The following PKD1L1 variants were observed in gnomAD, a reference collection of about 807,000 sequenced individuals.
The protein encoded by PKD1L1 is polycystin-1-like protein 1.
Under a neutral mutation model 323.4 loss-of-function variants are expected in PKD1L1, and 236 were observed. That is an observed-to-expected ratio of 0.73 (90% CI 0.66 to 0.81). The LOEUF is 0.81. PKD1L1 is among the 40% of genes least tolerant of loss of function. The pLI is 0.00. For synonymous variants in PKD1L1, 1,344 were observed against 1,335.0 expected, an observed-to-expected ratio of 1.01 and a Z score of -0.15; for missense variants, 3,320 against 3,508.0, an observed-to-expected ratio of 0.95 and a Z score of 1.35.
chr7:47,885,831 A>G lies in PKD1L1; in HGVS notation c.3060T>C (p.Pro1020=). ...CCAGGACTGCAGAGTCCCCCGCAGG[A>G]GGAATCCAGTAGACTCCAGTCATGG... ...TEPMTGVYWI[P]PAGDSAVLGE... Residue 1020 remains proline, a synonymous_variant, in exon 18 of 57, where the codon CCT becomes CCC. Transcript: ENST00000289672. 6.2e-7 allele frequency: 1 copy of G among 1,614,196 alleles called. No individual in the cohort carries two copies. Among genetic ancestry groups the G allele is most frequent in the Non-Finnish European group, 8.5e-7 (1 of 1,180,038 alleles).
chr7:47,839,500 A>C lies in PKD1L1; in HGVS notation c.5715T>G (p.Asp1905Glu), dbSNP rs772585060. 28 of 1,612,404 alleles carry C rather than the reference A, an allele frequency of 1.7e-5. No individual in the cohort carries two copies. Among genetic ancestry groups the C allele is most frequent in the Non-Finnish European group, 2.3e-5 (27 of 1,179,752 alleles). ...AGGTGAGCTCCCGCTCCACGCGACC[A>C]TCATGCCTGCCGGCAGACAGCCAGC... ...AQCWLSAGRHDGRVERELTCL... is the reference protein window; with the variant it reads ...AQCWLSAGRHEGRVERELTCL... The change falls in exon 36 of 57, where the codon GAT becomes GAG. Residue 1905 changes from aspartate to glutamate, a missense_variant. By Grantham distance (45) the Asp-to-Glu change is conservative. Transcript: ENST00000289672. The surrounding 1 kb of genome is among the most constrained non-coding windows in gnomAD (Gnocchi z 4.3).
At chr7:47,874,062 G>T in intron 23 of PKD1L1, 52 bp from the exon 24 acceptor site, 1 of 1,159,682 alleles carries the variant, frequency 8.6e-7, no homozygotes, top group Non-Finnish European at 1.3e-6. Context: ...GGGTTACAGA[G>T]ATGCTTCTTC....
intron 8 of PKD1L1, 118 bp downstream of exon 8, chr7:47,915,314 C>T: frequency 1.5e-6 from 1 of 645,836 alleles, no homozygotes; most frequent in South Asian, 1.8e-5. Flanking sequence ...CACCGTAGCC[C>T]ATAGAGTGTA....
chr7:47,813,619 G>A lies in PKD1L1; in HGVS notation c.7173+312C>T, dbSNP rs193206390. 9.0e-6 allele frequency: 6 copies of A among 664,804 alleles called. No individual in the cohort carries two copies. The East Asian group carries it at 1.8e-4, about 20-fold the overall frequency. The allele number at this position is 664,804 out of a possible 1,614,324, so 41.2% of individuals were successfully genotyped here. A position where few individuals can be genotyped will look rare whatever the true frequency, so the allele number is the denominator to read the frequency against. ...CCCTCCCCATTAGAAAAAGATATGT[G>A]AATATTCTATTTTTAGATTGTTTGA... On this transcript the variant is annotated intron_variant, in intron 48 of 56. Coordinates refer to ENST00000289672, the MANE Select transcript of PKD1L1 (RefSeq NM_138295.5).
At chr7:47,800,966 CA>C in intron 53 of PKD1L1, 87 bp from the exon 54 acceptor site, 1 of 1,278,052 alleles carries the variant, frequency 7.8e-7, no homozygotes, top group South Asian at 1.3e-5. Flanking sequence ...AAAATAGAGA[CA>C]AACTTGGAGG....
intron 27 of PKD1L1, 86 bp from the exon 28 acceptor site, chr7:47,857,918 T>C (rs1417709708): frequency 3.7e-5 from 49 of 1,311,820 alleles, no homozygotes; most frequent in Non-Finnish European, 5.1e-5. Flanking sequence ...AGGGGAAAAG[T>C]AGTTAAAAAG....
At chr7:47,803,755 T>C (rs974819569) in intron 52 of PKD1L1, among the ~76,000 whole-genome samples, 2 of 152,226 alleles carry the variant, frequency 1.3e-5, no homozygotes, top group Non-Finnish European at 2.9e-5. Flanking sequence ...TTCCCCCAGA[T>C]ACATGTACAG....
intron 52 of PKD1L1, among the ~76,000 whole-genome samples, chr7:47,805,495 T>C (rs1473329299): frequency 2.0e-5 from 3 of 152,244 alleles, no homozygotes; most frequent in African/African-American, 7.2e-5. Flanking sequence ...AGCCGTAGTG[T>C]GGGCAGAGGC....
At chr7:47,893,219 G>A (rs1786860128) in intron 15 of PKD1L1, among the ~76,000 whole-genome samples, 1 of 116,772 alleles carries the variant, frequency 8.6e-6, no homozygotes, top group South Asian at 3.1e-4. Context: ...GACAGAGTGA[G>A]ACCCTATCTC....
Position 47,829,242 on chromosome 7 carries a change from A to G in PKD1L1, c.6735+183T>C, listed in dbSNP as rs541069304. ...TCTTTAGGATTGGAGTTAAAAAAAA[A>G]TAAGTCCTATGTGTTCATCTATCAT... On this transcript the variant is annotated intron_variant, in intron 44 of 56. Coordinates refer to ENST00000289672, the MANE Select transcript of PKD1L1 (RefSeq NM_138295.5). 1.2e-4 allele frequency among the ~76,000 whole-genome samples: 18 copies of G among 152,316 alleles called. No homozygotes were observed. In the East Asian group the frequency reaches 3.3e-3, roughly 28 times the overall value.
In PKD1L1 at chr7:47,804,552, C is replaced by T. The variant is rs186480332; in HGVS notation, c.7828-1208G>A. Among the ~76,000 whole-genome samples the T allele has an allele frequency of 1.3e-3, 201 of 149,394 alleles. 1 individual carries two copies. The highest frequency in any genetic ancestry group is 4.6e-3 in the African/African-American group (188 of 40,844). Reference sequence around the variant, plus strand: ...CAGGATCTCGGCTCACTGCAACCTCCGCCTCCTGGTGAGTTCAAGCAATTC... The same window carrying T: ...CAGGATCTCGGCTCACTGCAACCTCTGCCTCCTGGTGAGTTCAAGCAATTC... On this transcript the variant is annotated intron_variant, in intron 52 of 56. Coordinates refer to ENST00000289672, the MANE Select transcript of PKD1L1 (RefSeq NM_138295.5).
chr7:47,880,263 TACATA>T (rs1786513235), intron 21 of PKD1L1, among the ~76,000 whole-genome samples: 9 of 88,344 alleles, frequency 1.0e-4, no homozygotes, highest in African/African-American at 2.5e-4. Context: ...TATATATATA[TACATA>T]TATATATATA....
intron 24 of PKD1L1, among the ~76,000 whole-genome samples, chr7:47,872,818 C>G (rs1373008246): frequency 6.6e-6 from 1 of 152,094 alleles, no homozygotes; most frequent in African/African-American, 2.4e-5. Context: ...AGTTACCTAC[C>G]CAAGGAAAAT....
rs372764452 is a variant in PKD1L1 at position 47,837,038 on chromosome 7, C to T, written c.5826G>A (p.Val1942=). Residue 1942 remains valine, a synonymous_variant, in exon 37 of 57, where the codon GTG becomes GTA. Coordinates refer to ENST00000289672, the MANE Select transcript of PKD1L1 (RefSeq NM_138295.5). ...AGCGGCTGGAGGAGGGCCTGCTGTACACCGACAGCCAGACATGGAAATCCT... is the reference window on the plus strand; with the variant it reads ...AGCGGCTGGAGGAGGGCCTGCTGTATACCGACAGCCAGACATGGAAATCCT... ...YLEDFHVWLS[V]YSRPSSSRYL... is the part of the protein sequence containing the mutation. The T allele has an allele frequency of 4.3e-6, 7 of 1,614,026 alleles. No individual in the cohort carries two copies. Among genetic ancestry groups the T allele is most frequent in the Middle Eastern group, 1.6e-4 (1 of 6,084 alleles).
At chr7:47,956,277 G>A in the PKD1L1 span, among the ~76,000 whole-genome samples, 2 of 152,222 alleles carry the variant, frequency 1.3e-5, no homozygotes, top group Admixed American at 6.5e-5. Context: ...TGGGAAAAGA[G>A]AGCGGGAGGT....
intron 45 of PKD1L1, among the ~76,000 whole-genome samples, chr7:47,822,407 G>A (rs1374402204): frequency 1.3e-5 from 2 of 148,588 alleles, no homozygotes; most frequent in African/African-American, 5.0e-5. Context: ...TGGCTAACAC[G>A]GTGAAACCCC....
intron 55 of PKD1L1, among the ~76,000 whole-genome samples, chr7:47,794,742 T>C (rs1017050745): frequency 1.3e-5 from 2 of 152,142 alleles, no homozygotes; most frequent in Non-Finnish European, 2.9e-5. Flanking sequence ...AAGGAGGCTG[T>C]ACCCTGCAAA....
At chr7:47,841,111 C>T (rs1173923693) in intron 34 of PKD1L1, among the ~76,000 whole-genome samples, 1 of 152,178 alleles carries the variant, frequency 6.6e-6, no homozygotes, top group Non-Finnish European at 1.5e-5. Context: ...TTTCTGAAAT[C>T]CTTCCTTACT....
At chr7:47,901,900 T>C (rs1200747140) in intron 13 of PKD1L1, among the ~76,000 whole-genome samples, 1 of 152,200 alleles carries the variant, frequency 6.6e-6, no homozygotes, top group Non-Finnish European at 1.5e-5. Context: ...CCCTATTTTT[T>C]CTAACCCAGA....
Sources: allele counts gnomAD v4.1 joint callset (sites outside exome capture counted in the v4.1 genomes callset), GRCh38; gene constraint gnomAD v4.1.1; non-coding constraint Gnocchi (gnomAD v3.1); transcripts MANE v1.5; gene names NCBI Gene and HGNC (gene_info 2026-07-23, HGNC 2026-07-21).